Variants in WWOX observed in about 807,000 individuals in gnomAD.
WWOX encodes WW domain containing oxidoreductase.
WWOX carries 69 observed loss-of-function variants against 46.2 expected under a neutral mutation model. That is an observed-to-expected ratio of 1.49 (90% CI 1.23 to 1.82). WWOX has a LOEUF of 1.82. Ranked by LOEUF, WWOX falls within the 40% of genes most tolerant of loss-of-function variation. The pLI is 0.00. For synonymous variants in WWOX, 359 were observed against 202.6 expected (o/e 1.77, Z -6.56); for missense variants, 919 against 542.6 (o/e 1.69, Z -6.89).
At chr16:78,446,321 G>C (rs1181166392) in intron 8 of WWOX, among the ~76,000 whole-genome samples, 2 of 152,276 alleles carry the variant, frequency 1.3e-5, no homozygotes, top group East Asian at 1.9e-4. Flanking sequence ...TGGGTTTAAA[G>C]GTCGAATTTT....
At chr16:78,617,531 G>C (rs2046057046) in intron 8 of WWOX, among the ~76,000 whole-genome samples, 1 of 152,060 alleles carries the variant, frequency 6.6e-6, no homozygotes, top group South Asian at 2.1e-4. Context: ...GACTTAAGAA[G>C]CCACATAAAG....
chr16:78,166,630 C>T (rs1216082167), intron 5 of WWOX: 1 of 151,764 alleles, frequency 6.6e-6, no homozygotes, highest in African/African-American at 2.4e-5. Flanking sequence ...ACAATCTCGA[C>T]TCACTGCAAC....
intron 5 of WWOX, among the ~76,000 whole-genome samples, chr16:78,188,505 A>G (rs906135684): frequency 2.0e-5 from 3 of 146,950 alleles, no homozygotes; most frequent in Non-Finnish European, 4.5e-5. Flanking sequence ...AAAAAAAAAA[A>G]TAGTAGATTG....
chr16:78,505,004 A>T (rs1284459358), intron 8 of WWOX, among the ~76,000 whole-genome samples: 4 of 152,210 alleles, frequency 2.6e-5, no homozygotes, highest in Non-Finnish European at 5.9e-5. Context: ...GCCTTTGTGC[A>T]CGAAAGGAGA....
chr16:78,589,888 G>T (rs1464730388), intron 8 of WWOX, among the ~76,000 whole-genome samples: 1 of 152,122 alleles, frequency 6.6e-6, no homozygotes, highest in Non-Finnish European at 1.5e-5. Context: ...AAAACTCCAG[G>T]GGAAGAGGGT....
intron 5 of WWOX, among the ~76,000 whole-genome samples, chr16:78,189,060 G>A (rs755820320): frequency 6.6e-5 from 10 of 152,160 alleles, no homozygotes; most frequent in Non-Finnish European, 1.0e-4. Flanking sequence ...TCCTGTTGAA[G>A]CTGGTGTTTG....
chr16:78,473,476 G>C (rs549133366), intron 8 of WWOX, among the ~76,000 whole-genome samples: 3 of 152,176 alleles, frequency 2.0e-5, no homozygotes, highest in Non-Finnish European at 4.4e-5. Context: ...ATTGCAGCAG[G>C]TTAGAGCACA....
At chr16:78,874,949 A>T (rs1000292955) in intron 8 of WWOX, among the ~76,000 whole-genome samples, 2 of 152,196 alleles carry the variant, frequency 1.3e-5, no homozygotes, top group Non-Finnish European at 2.9e-5. Flanking sequence ...GGAACCAGGA[A>T]GGCCTGCCCC....
At chr16:78,234,703 C>T (rs941267685) in intron 5 of WWOX, among the ~76,000 whole-genome samples, 1 of 152,070 alleles carries the variant, frequency 6.6e-6, no homozygotes, top group Non-Finnish European at 1.5e-5. Context: ...GACCACCATT[C>T]ACTTTCTGTT....
At chr16:78,820,236 C>A (rs1477201727) in intron 8 of WWOX, among the ~76,000 whole-genome samples, 1 of 152,118 alleles carries the variant, frequency 6.6e-6, no homozygotes, top group African/African-American at 2.4e-5. Flanking sequence ...ATGGACACTG[C>A]TAAGTTTTGA....
chr16:78,751,604 A>G (rs946999560), intron 8 of WWOX, among the ~76,000 whole-genome samples: 4 of 151,622 alleles, frequency 2.6e-5, no homozygotes, highest in African/African-American at 9.7e-5. Context: ...TCCATCAGTC[A>G]TGCATGCCTT....
intron 8 of WWOX, among the ~76,000 whole-genome samples, chr16:79,085,084 C>G (rs934937530): frequency 1.3e-5 from 2 of 152,148 alleles, no homozygotes; most frequent in African/African-American, 4.8e-5. Flanking sequence ...AGTCGCCACA[C>G]TCAATTATAC....
intron 8 of WWOX, among the ~76,000 whole-genome samples, chr16:78,965,862 A>G (rs1057465566): frequency 2.6e-5 from 4 of 152,186 alleles, no homozygotes; most frequent in African/African-American, 9.7e-5. Context: ...TTCTTAGATT[A>G]ACACTATTAG....
chr16:78,330,905 C>A (rs1004025134), intron 5 of WWOX, among the ~76,000 whole-genome samples: 1 of 152,174 alleles, frequency 6.6e-6, no homozygotes, highest in Non-Finnish European at 1.5e-5. Context: ...ATTTTCAATA[C>A]AGTTAGTCTC....
intron 8 of WWOX, among the ~76,000 whole-genome samples, chr16:78,540,020 T>TCACACACACACACA (rs71140810): frequency 7.5e-6 from 1 of 132,924 alleles, no homozygotes. Flanking sequence ...TCTCTCTCTC[T>TCACACACACACACA]CACACACACA....
At chr16:78,842,197 T>C (rs1235616974) in intron 8 of WWOX, among the ~76,000 whole-genome samples, 1 of 151,966 alleles carries the variant, frequency 6.6e-6, no homozygotes, top group Non-Finnish European at 1.5e-5. Flanking sequence ...GAGGAGGAAG[T>C]CAAAATTCAA....
chr16:78,770,180 G>C (rs976416330), intron 8 of WWOX, among the ~76,000 whole-genome samples: 1 of 152,058 alleles, frequency 6.6e-6, no homozygotes, highest in African/African-American at 2.4e-5. Flanking sequence ...GTGAAACCCC[G>C]TCTCTACTAA....
chr16:78,435,840 G>C (rs1445827084), intron 8 of WWOX, among the ~76,000 whole-genome samples: 2 of 152,146 alleles, frequency 1.3e-5, no homozygotes, highest in Non-Finnish European at 2.9e-5. Flanking sequence ...TTGTGATACA[G>C]GTTAGTGTAA....
rs188584570 is a variant in WWOX at position 78,236,233 on chromosome 16, A to G, written c.516+71944A>G. Among the ~76,000 whole-genome samples, 342 of 152,308 alleles carry G rather than the reference A, an allele frequency of 2.2e-3. 1 individual carries two copies. The highest frequency in any genetic ancestry group is 3.4e-3 in the Middle Eastern group (1 of 294). On this transcript the variant is annotated intron_variant, in intron 5 of 8. Transcript: ENST00000566780. ...TAATACGTTAGTTTTCTCACTGTCA[A>G]TGTGTTCTATGACATCATTTATGCA...
Sources: gnomAD v4.1 joint callset for allele counts (sites outside exome capture counted in the v4.1 genomes callset) on GRCh38, gnomAD v4.1.1 for gene constraint, MANE v1.5 for transcripts, NCBI Gene and HGNC (gene_info 2026-07-23, HGNC 2026-07-21) for gene names.